Variants in ANXA4 observed in about 807,000 individuals in gnomAD.
ANXA4 encodes the protein 35-beta calcimedin.
ANXA4 carries 39 observed loss-of-function variants against 49.8 expected under a neutral mutation model. That is an observed-to-expected ratio of 0.78 (90% CI 0.61 to 1.02). The LOEUF is 1.02. Ranked by LOEUF, ANXA4 falls within the 50% of genes least tolerant of loss-of-function variation. The pLI, the probability that ANXA4 is intolerant of heterozygous loss-of-function variation, is 0.00. For synonymous variants in ANXA4, 134 were observed against 152.5 expected, an observed-to-expected ratio of 0.88 and a Z score of 0.89; for missense variants, 360 against 410.1, an observed-to-expected ratio of 0.88 and a Z score of 1.05.
At chr2:69,656,259 G>T (rs1287381265) in intron 2 of ANXA4, among the ~76,000 whole-genome samples, 1 of 119,886 alleles carries the variant, frequency 8.3e-6, no homozygotes, top group Non-Finnish European at 1.7e-5. Flanking sequence ...ATGTATATAC[G>T]TATATATATG....
intron 2 of ANXA4, among the ~76,000 whole-genome samples, chr2:69,782,571 T>C (rs1672244334): frequency 6.6e-6 from 1 of 152,200 alleles, no homozygotes; most frequent in Admixed American, 6.5e-5. Context: ...CCCAAGCTGG[T>C]CTCAAACTCC....
intron 2 of ANXA4, among the ~76,000 whole-genome samples, chr2:69,693,715 A>C (rs1179559407): frequency 6.6e-6 from 1 of 151,944 alleles, no homozygotes; most frequent in Non-Finnish European, 1.5e-5. Context: ...TGTGACACCC[A>C]CTCCCAGGGG....
rs1393084833 is a variant in ANXA4 at position 69,723,875 on chromosome 2, A to T, written n.864+3004A>T. ...AGCCTGTGATGCTATTTTCCTAAAG[A>T]CACTACATGAGAAGCTCCTACCCTT... On this transcript the variant is annotated intron_variant and non_coding_transcript_variant, in intron 3 of 3. Transcript: ENST00000418066. 3.3e-5 allele frequency among the ~76,000 whole-genome samples: 5 copies of T among 152,176 alleles called. No individual in the cohort carries two copies. In the East Asian group the frequency reaches 7.7e-4, roughly 23 times the overall value.
intron 1 of ANXA4, among the ~76,000 whole-genome samples, chr2:69,749,599 A>C (rs189675022): frequency 1.4e-3 from 209 of 152,306 alleles, no homozygotes; most frequent in Admixed American, 4.6e-3. Flanking sequence ...TTTTTTAAAA[A>C]GTAAAGTACA....
chr2:69,657,902 A>AT (rs986899269), intron 2 of ANXA4, among the ~76,000 whole-genome samples: 4 of 152,286 alleles, frequency 2.6e-5, no homozygotes, highest in Non-Finnish European at 5.9e-5. Flanking sequence ...CTATTTAAAA[A>AT]TTTTTTATAG....
At chr2:69,816,299 C>A in intron 9 of ANXA4, 105 bp downstream of exon 9, 1 of 860,082 alleles carries the variant, frequency 1.2e-6, no homozygotes. Flanking sequence ...GTACAAAGAA[C>A]TGATTGTACC....
chr2:69,791,810 G>T (rs1672704286), intron 3 of ANXA4, among the ~76,000 whole-genome samples: 1 of 152,116 alleles, frequency 6.6e-6, no homozygotes. Flanking sequence ...AACAACAATT[G>T]TCTGTAAATG....
chr2:69,649,021 G>T (rs1228870643), intron 1 of ANXA4, among the ~76,000 whole-genome samples: 2 of 151,518 alleles, frequency 1.3e-5, no homozygotes, highest in South Asian at 4.2e-4. Flanking sequence ...TGAGTAGCAG[G>T]GATTACAGGC....
intron 1 of ANXA4, among the ~76,000 whole-genome samples, chr2:69,778,729 C>T (rs183936332): frequency 5.3e-5 from 7 of 131,008 alleles, no homozygotes; most frequent in African/African-American, 1.8e-4. Flanking sequence ...GAGCCAAGAT[C>T]GTGCCATTGC....
At chr2:69,647,245 A>T (rs1168164955) in intron 1 of ANXA4, among the ~76,000 whole-genome samples, 1 of 152,152 alleles carries the variant, frequency 6.6e-6, no homozygotes, top group Non-Finnish European at 1.5e-5. Flanking sequence ...ACCAGCCTGC[A>T]GGCTGCAACC....
intron 3 of ANXA4, among the ~76,000 whole-genome samples, chr2:69,730,373 A>G (rs986111335): frequency 2.6e-5 from 4 of 152,134 alleles, no homozygotes; most frequent in Non-Finnish European, 5.9e-5. Context: ...ATGGTGGTGC[A>G]TGCCTATAAT....
intron 2 of ANXA4, among the ~76,000 whole-genome samples, chr2:69,702,170 C>T (rs1180955283): frequency 6.6e-6 from 1 of 151,836 alleles, no homozygotes. Flanking sequence ...CGCCACCACC[C>T]ATGGCTCATT....
chr2:69,690,523 G>A (rs898736237), intron 2 of ANXA4, among the ~76,000 whole-genome samples: 6 of 152,178 alleles, frequency 3.9e-5, no homozygotes, highest in African/African-American at 1.4e-4. Flanking sequence ...ACAGGCATGA[G>A]CCACTGCGCC....
chr2:69,646,911 G>A (rs943557915), intron 1 of ANXA4, among the ~76,000 whole-genome samples: 4 of 152,174 alleles, frequency 2.6e-5, no homozygotes, highest in Admixed American at 6.5e-5. Context: ...ATCCTAGTAA[G>A]AGACTACCAA....
At chr2:69,697,428 A>G (rs913487789) in intron 2 of ANXA4, among the ~76,000 whole-genome samples, 4 of 152,236 alleles carry the variant, frequency 2.6e-5, no homozygotes, top group African/African-American at 9.6e-5. Flanking sequence ...TCTTCTATCC[A>G]GCTCACTGAA....
rs1314586352 is a variant in ANXA4 at position 69,819,277 on chromosome 2, C to T, written c.725-3C>T. 1 of 1,591,208 alleles carries T rather than the reference C, an allele frequency of 6.3e-7. No individual in the cohort carries two copies. Among genetic ancestry groups the T allele is most frequent in the Middle Eastern group, 1.7e-4 (1 of 5,992 alleles). ...TCATTTCTTCTTTTTTTTTCTTTGA[C>T]AGTAAAGTGCATGAGGAACAAATCT... is the stretch of plus-strand genomic sequence containing the variant. On this transcript the variant is annotated splice_polypyrimidine_tract_variant and splice_region_variant and intron_variant, in intron 10 of 12. Coordinates refer to ENST00000394295, the MANE Select transcript of ANXA4 (RefSeq NM_001153.5).
At chr2:69,655,909 C>T (rs1447488586) in intron 2 of ANXA4, among the ~76,000 whole-genome samples, 1 of 151,984 alleles carries the variant, frequency 6.6e-6, no homozygotes, top group African/African-American at 2.4e-5. Context: ...CCATCATTCT[C>T]AAAACTAACA....
At position 69,752,833 on chromosome 2, in the gene ANXA4, T is replaced by G. The variant is rs566406996; in HGVS notation, c.-47+10658T>G. 2.0e-4 allele frequency among the ~76,000 whole-genome samples: 30 copies of G among 152,356 alleles called. No homozygotes were observed. In the South Asian group the frequency reaches 5.8e-3, roughly 29 times the overall value. The stretch of plus-strand genomic sequence containing the variant: ...ACAAAAATGATCCAGTTTTGAAAAT[T>G]ACTTCTGTAGCTCTTGCTCCGTTCA... On this transcript the variant is annotated intron_variant, in intron 1 of 12. Coordinates refer to ENST00000394295, the MANE Select transcript of ANXA4 (RefSeq NM_001153.5).
At chr2:69,713,418 T>G (rs1678745116) in intron 2 of ANXA4, among the ~76,000 whole-genome samples, 1 of 152,148 alleles carries the variant, frequency 6.6e-6, no homozygotes, top group South Asian at 2.1e-4. Context: ...TGGTAAATGT[T>G]TAGCAGCTGG....
Sources: allele counts gnomAD v4.1 joint callset (sites outside exome capture counted in the v4.1 genomes callset), GRCh38; gene constraint gnomAD v4.1.1; transcripts MANE v1.5; gene names NCBI Gene and HGNC (gene_info 2026-07-23, HGNC 2026-07-21).